APPL1: variants seen among roughly 807,000 people sequenced by gnomAD.
The protein encoded by APPL1 is DCC-interacting protein 13-alpha.
Under a neutral mutation model 106.8 loss-of-function variants are expected in APPL1, and 42 were observed. That is an observed-to-expected ratio of 0.39 (90% CI 0.31 to 0.51). APPL1 has a LOEUF of 0.51. Among genes scored for constraint, APPL1 ranks in the 20% least tolerant of loss-of-function variants. APPL1 has a pLI of 0.75. For synonymous variants in APPL1, 263 were observed against 281.8 expected, an observed-to-expected ratio of 0.93 and a Z score of 0.67; for missense variants, 769 against 858.2, an observed-to-expected ratio of 0.90 and a Z score of 1.30.
At chr3:57,237,335 G>T (rs2060721606) in intron 2 of APPL1, among the ~76,000 whole-genome samples, 157 bp from the exon 3 acceptor site, 1 of 152,128 alleles carries the variant, frequency 6.6e-6, no homozygotes, top group Admixed American at 6.5e-5. Context: ...CTTTTAAAGT[G>T]CTTTAATGGT....
chr3:57,227,772 G>C lies in APPL1; in HGVS notation c.-112G>C, dbSNP rs866978701. 9 of 911,844 alleles carry C rather than the reference G, an allele frequency of 9.9e-6. No individual in the cohort carries two copies. In the South Asian group the frequency reaches 1.2e-4, roughly 12 times the overall value. The allele number at this position is 911,844 out of a possible 1,614,324, so 56.5% of individuals were successfully genotyped here. The stretch of plus-strand genomic sequence containing the variant: ...TGGAGAAGGCTGTGCGGGCGGGGAC[G>C]GCTGCAGCCCTTGCCGGAGAGGGCG... On this transcript the variant is annotated 5_prime_UTR_variant, in exon 1 of 22. Transcript: ENST00000288266.
rs2060947613 is a variant in APPL1, at chr3:57,272,312, G to A, written c.*2625G>A. On this transcript the variant is annotated 3_prime_UTR_variant, in exon 22 of 22. Transcript: ENST00000288266. ...GGGATTAAAGCTATTATCTTGAACAGAGTCCCTAAAGCTAGTCTAGTTTTT... is the reference window on the plus strand; with the variant it reads ...GGGATTAAAGCTATTATCTTGAACAAAGTCCCTAAAGCTAGTCTAGTTTTT... The A allele has an allele frequency of 6.6e-6, 1 of 152,132 alleles. No homozygotes were observed. Among genetic ancestry groups the A allele is most frequent in the Non-Finnish European group, 1.5e-5 (1 of 68,024 alleles). 9.4% of individuals were successfully genotyped at this position (152,132 alleles called of 1,614,324 possible). A position where few individuals can be genotyped will look rare whatever the true frequency, so the allele number is the denominator to read the frequency against.
At chr3:57,229,599 CT>C (rs1475640008) in intron 1 of APPL1, among the ~76,000 whole-genome samples, 1 of 150,228 alleles carries the variant, frequency 6.7e-6, no homozygotes, top group Non-Finnish European at 1.5e-5. Context: ...TTCACAGACA[CT>C]ATCGTAGTGC....
intron 15 of APPL1, 102 bp from the exon 16 acceptor site, chr3:57,258,926 C>CT (rs373692009): frequency 9.8e-3 from 7,075 of 721,698 alleles, no homozygotes; most frequent in South Asian, 0.012. Flanking sequence ...CATTTTAGAG[C>CT]TTTTTTTTTT....
At chr3:57,250,804 CTTTTTTTT>C (rs71088045) in intron 11 of APPL1, among the ~76,000 whole-genome samples, 1 of 110,286 alleles carries the variant, frequency 9.1e-6, no homozygotes, top group Non-Finnish European at 1.8e-5. Context: ...AACTTTCTTT[CTTTTTTTT>C]TTTTTTTTTT....
At chr3:57,242,073 A>G (rs928670018) in intron 5 of APPL1, 28 bp from the exon 6 acceptor site, 1 of 1,529,268 alleles carries the variant, frequency 6.5e-7, no homozygotes, top group Non-Finnish European at 9.0e-7. Flanking sequence ...AAATGTGCCA[A>G]ACTTAAATTA....
rs867993922 is a variant in APPL1, at chr3:57,242,892, C to A, written c.452C>A (p.Ser151Ter). 3 of 1,607,274 alleles carry A rather than the reference C, an allele frequency of 1.9e-6. No homozygotes were observed. The highest frequency in any genetic ancestry group is 1.3e-5 in the African/African-American group (1 of 74,496). Residue 151 changes from serine to a stop codon, truncating the protein, a stop_gained, in exon 7 of 22, where the codon TCA becomes TAA. Coordinates refer to ENST00000288266, the MANE Select transcript of APPL1 (RefSeq NM_012096.3). LOFTEE classifies it high-confidence loss of function. ...GCGATTAATAGATATAGCCGTTTAT[C>A]AAAAAAAAGAGAAAATGACAAGGTG... Reference protein sequence around the residue: ...DAAINRYSRLSKKRENDKVKY... With the variant: ...DAAINRYSRL
Position 57,228,186 on chromosome 3 carries a change from G to C in APPL1, c.54+249G>C, listed in dbSNP as rs549359407. Among the ~76,000 whole-genome samples, 1 of 152,194 alleles carries C rather than the reference G, an allele frequency of 6.6e-6. No homozygotes were observed. Among genetic ancestry groups the C allele is most frequent in the Admixed American group, 6.5e-5 (1 of 15,296 alleles). The stretch of plus-strand genomic sequence containing the variant: ...CGAGCCGCTGGTGCTCGTGGGCCGG[G>C]CGGTCACGTACGCGCGCGGGTCCTT... On this transcript the variant is annotated intron_variant, in intron 1 of 21. Coordinates refer to ENST00000288266, the MANE Select transcript of APPL1 (RefSeq NM_012096.3). The surrounding 1 kb of genome is among the most constrained non-coding windows in gnomAD (Gnocchi z 4.6).
At chr3:57,253,184 C>T (rs2060814570) in intron 12 of APPL1, among the ~76,000 whole-genome samples, 1 of 151,968 alleles carries the variant, frequency 6.6e-6, no homozygotes, top group Non-Finnish European at 1.5e-5. Flanking sequence ...ATAAACTTGA[C>T]AGAAGGGAGG....
At position 57,259,807 on chromosome 3, in the gene APPL1, TAAA is replaced by T. The variant is rs747343594; in HGVS notation, c.1484-30_1484-28del. On this transcript the variant is annotated intron_variant, in intron 16 of 21. Coordinates refer to ENST00000288266, the MANE Select transcript of APPL1 (RefSeq NM_012096.3). ...AAAAATAAAATGTAAATTTATACAG[TAAA>T]AAAAAAATATGTAATACACCTTGTT... The T allele has an allele frequency of 3.5e-6, 4 of 1,158,312 alleles. No individual in the cohort carries two copies. In the African/African-American group the frequency reaches 4.8e-5, roughly 14 times the overall value. 71.8% of individuals were successfully genotyped at this position (1,158,312 alleles called of 1,614,324 possible). A position where few individuals can be genotyped will look rare whatever the true frequency, so the allele number is the denominator to read the frequency against.
rs1030840278 is a variant in APPL1, at chr3:57,271,835, A to G, written c.*2148A>G. The G allele has an allele frequency of 2.0e-5, 3 of 152,246 alleles. No homozygotes were observed. The highest frequency in any genetic ancestry group is 7.2e-5 in the African/African-American group (3 of 41,476). 9.4% of individuals were successfully genotyped at this position (152,246 alleles called of 1,614,324 possible). A position where few individuals can be genotyped will look rare whatever the true frequency, so the allele number is the denominator to read the frequency against. ...ATAGGTCAGATCGAAGTGCATTCCAATGCTAAATAGAAGTTATGAGTGGGT... is the reference window on the plus strand; with the variant it reads ...ATAGGTCAGATCGAAGTGCATTCCAGTGCTAAATAGAAGTTATGAGTGGGT... On this transcript the variant is annotated 3_prime_UTR_variant, in exon 22 of 22. Transcript: ENST00000288266.
In APPL1 at chr3:57,240,568, T is replaced by C; in HGVS notation, c.373+16T>C. 1.3e-6 allele frequency: 2 copies of C among 1,593,742 alleles called. No individual in the cohort carries two copies. The highest frequency in any genetic ancestry group is 1.7e-6 in the Non-Finnish European group (2 of 1,161,634). On this transcript the variant is annotated intron_variant, in intron 5 of 21. Transcript: ENST00000288266. Reference sequence around the variant, plus strand: ...GATCTGAAAGGTATTGAAGTCAAGCTTATGTTTACTTTCATTGGCTGTGAG... The same window carrying C: ...GATCTGAAAGGTATTGAAGTCAAGCCTATGTTTACTTTCATTGGCTGTGAG...
chr3:57,231,353 A>G (rs965291497), intron 1 of APPL1, among the ~76,000 whole-genome samples: 68 of 150,566 alleles, frequency 4.5e-4, no homozygotes, highest in African/African-American at 1.6e-3. Context: ...AAAAAAAAAA[A>G]AAAAAAGAAA....
intron 21 of APPL1, 193 bp downstream of exon 21, chr3:57,268,680 T>C (rs976362071): frequency 9.2e-6 from 4 of 434,814 alleles, no homozygotes; most frequent in Middle Eastern, 6.8e-4. Flanking sequence ...TATAGTTACG[T>C]TGACATGTAA....
rs771827464 is a variant in APPL1 at position 57,248,239 on chromosome 3, A to G, written c.751A>G (p.Ile251Val). ...TGATATAGAGACCATGCAACAGACA[A>G]TAGAGGATTTGGAAGTAGCCAGTGA... The part of the protein sequence containing the change: ...DSDIETMQQT[I>V]EDLEVASDPL... Residue 251 changes from isoleucine (I) to valine (V), a missense_variant, in exon 10 of 22, where the codon ATA becomes GTA. Physicochemically the swap from Ile to Val is conservative, Grantham distance 29 (BLOSUM62 3). Transcript: ENST00000288266. 7 of 1,614,194 alleles carry G rather than the reference A, an allele frequency of 4.3e-6. No individual in the cohort carries two copies. Among genetic ancestry groups the G allele is most frequent in the Non-Finnish European group, 5.9e-6 (7 of 1,180,038 alleles).
At chr3:57,229,467 G>C (rs1231972444) in intron 1 of APPL1, among the ~76,000 whole-genome samples, 1 of 151,734 alleles carries the variant, frequency 6.6e-6, no homozygotes, top group Non-Finnish European at 1.5e-5. Flanking sequence ...TACAACTTAA[G>C]AATTGTGGTT....
intron 21 of APPL1, chr3:57,268,912 A>C (rs2060914702): frequency 6.5e-6 from 1 of 152,782 alleles, no homozygotes; most frequent in Non-Finnish European, 1.5e-5. Context: ...CAACAGAATA[A>C]TTTTAAAAGA....
At chr3:57,241,977 C>T in intron 5 of APPL1, 124 bp from the exon 6 acceptor site, 1 of 639,812 alleles carries the variant, frequency 1.6e-6, no homozygotes, top group Non-Finnish European at 2.6e-6. Flanking sequence ...GCTTTTTCAC[C>T]CTGAATGTTG....
In APPL1 at chr3:57,229,859, G is replaced by A. The variant is rs199724575; in HGVS notation, c.54+1922G>A. ...CTCCTGAGTAGCTGGGATTACAGAC[G>A]TGTGCCACCACGCCCACCTAGTTTT... On this transcript the variant is annotated intron_variant, in intron 1 of 21. Coordinates refer to ENST00000288266, the MANE Select transcript of APPL1 (RefSeq NM_012096.3). Among the ~76,000 whole-genome samples the A allele has an allele frequency of 4.6e-5, 7 of 151,908 alleles. No individual in the cohort carries two copies. In the East Asian group the frequency reaches 1.2e-3, roughly 25 times the overall value.
Sources: allele counts gnomAD v4.1 joint callset (sites outside exome capture counted in the v4.1 genomes callset), GRCh38; gene constraint gnomAD v4.1.1; non-coding constraint Gnocchi (gnomAD v3.1); transcripts MANE v1.5; gene names NCBI Gene and HGNC (gene_info 2026-07-23, HGNC 2026-07-21).